UNC13C: variants seen among roughly 807,000 people sequenced by gnomAD.
The protein encoded by UNC13C is protein unc-13 homolog C.
A neutral mutation model predicts 245.4 loss-of-function variants in UNC13C; 174 were observed. The ratio of observed to expected loss-of-function variants is 0.71; its 90% CI spans 0.63 to 0.80. The LOEUF (loss-of-function observed/expected upper bound fraction) is 0.80, where lower values mean the gene tolerates loss of function less well. UNC13C is among the 30% of genes least tolerant of loss of function. UNC13C has a pLI of 0.00. For missense variants in UNC13C, 2,829 were observed against 2,602.9 expected, an observed-to-expected ratio of 1.09 and a Z score of -1.89; for synonymous variants, 992 against 895.1, an observed-to-expected ratio of 1.11 and a Z score of -1.93.
At chr15:54,175,408 C>T (rs1595949826) in intron 4 of UNC13C, among the ~76,000 whole-genome samples, 1 of 151,992 alleles carries the variant, frequency 6.6e-6, no homozygotes, top group South Asian at 2.1e-4. Flanking sequence ...AACTATAAAA[C>T]AGTAAACCAA....
At chr15:54,142,928 A>G (rs1438981176) in intron 2 of UNC13C, 90 bp from the exon 3 acceptor site, 7 of 1,125,508 alleles carry the variant, frequency 6.2e-6, no homozygotes, top group East Asian at 2.3e-5. Context: ...AATGTAACAT[A>G]TTAACACTCT....
At chr15:54,171,947 A>G (rs1034807519) in intron 4 of UNC13C, among the ~76,000 whole-genome samples, 3 of 152,126 alleles carry the variant, frequency 2.0e-5, no homozygotes, top group Admixed American at 6.5e-5. Context: ...AGATCCTGTC[A>G]TTTGCAGTTA....
chr15:54,620,231 G>C (rs1400155401), intron 30 of UNC13C, among the ~76,000 whole-genome samples: 3 of 152,098 alleles, frequency 2.0e-5, no homozygotes, highest in African/African-American at 7.2e-5. Context: ...CTCTGCCCCT[G>C]ACGTCAATAT....
intron 20 of UNC13C, among the ~76,000 whole-genome samples, chr15:54,495,705 G>A (rs149481467): frequency 5.0e-4 from 76 of 152,106 alleles, no homozygotes; most frequent in African/African-American, 1.8e-3. Flanking sequence ...GTAGTTTTGA[G>A]CTAGATTGTT....
At chr15:54,000,068 A>T (rs999283112) in intron 1 of UNC13C, among the ~76,000 whole-genome samples, 3 of 152,086 alleles carry the variant, frequency 2.0e-5, no homozygotes, top group Non-Finnish European at 2.9e-5. Flanking sequence ...GATGACTTCC[A>T]TATTTTCCTT....
At chr15:53,928,530 GGGCCAGTTTAT>G in the UNC13C span, among the ~76,000 whole-genome samples, 20 of 152,114 alleles carry the variant, frequency 1.3e-4, no homozygotes, top group Non-Finnish European at 2.8e-4. Flanking sequence ...GCCAGTTTTG[GGGCCAGTTTAT>G]GGCCAGATTT....
At chr15:54,059,836 T>C (rs1350595177) in intron 2 of UNC13C, among the ~76,000 whole-genome samples, 1 of 152,182 alleles carries the variant, frequency 6.6e-6, no homozygotes, top group African/African-American at 2.4e-5. Context: ...ATCTGATCTT[T>C]GACAAACCTG....
chr15:54,628,854 T>A (rs547157010), downstream of UNC13C: 1 of 152,272 alleles, frequency 6.6e-6, no homozygotes, highest in Admixed American at 6.5e-5. Context: ...TTACTTCAAT[T>A]ATTGTAGAAA....
chr15:54,036,016 A>G (rs1315375698), intron 2 of UNC13C, among the ~76,000 whole-genome samples: 2 of 152,180 alleles, frequency 1.3e-5, no homozygotes, highest in Non-Finnish European at 2.9e-5. Flanking sequence ...ATAAAGAATT[A>G]TTGTCATTCT....
chr15:53,945,114 T>A, the UNC13C span, among the ~76,000 whole-genome samples: 2 of 151,576 alleles, frequency 1.3e-5, no homozygotes, highest in African/African-American at 4.8e-5. Context: ...GGGTTATTAT[T>A]TTTCTTGTAC....
In UNC13C at chr15:54,403,824, C is replaced by CT. The variant is rs59244605; in HGVS notation, c.4847+10645dup. 3.8e-3 allele frequency among the ~76,000 whole-genome samples: 568 copies of CT among 151,046 alleles called. 27 individuals carry two copies. In the East Asian group the frequency reaches 0.083, roughly 22 times the overall value. On this transcript the variant is annotated intron_variant, in intron 18 of 32. Coordinates refer to ENST00000260323, the MANE Select transcript of UNC13C (RefSeq NM_001080534.3). ...ATATCTGAGTTCATTAAAATAATGC[C>CT]TTGAAACAGAAAGCAAAAAGATAAA...
chr15:54,024,233 G>A lies in UNC13C; in HGVS notation c.2983+8347G>A, dbSNP rs566517720. On this transcript the variant is annotated intron_variant, in intron 2 of 32. Transcript: ENST00000260323. ...AGATGATGGCTTCTAAAGCATTTAG[G>A]ACTCTAACTCTGGATATCACTTGGA... 3.3e-5 allele frequency among the ~76,000 whole-genome samples: 5 copies of A among 152,238 alleles called. No individual in the cohort carries two copies. The East Asian group carries it at 5.8e-4, about 18-fold the overall frequency.
At chr15:54,574,466 AG>A (rs991280785) in intron 30 of UNC13C, among the ~76,000 whole-genome samples, 128 of 152,348 alleles carry the variant, frequency 8.4e-4, no homozygotes, top group African/African-American at 3.0e-3. Flanking sequence ...TATTTCATGC[AG>A]GAGCAGACAG....
At chr15:54,034,718 C>T (rs1156684310) in intron 2 of UNC13C, among the ~76,000 whole-genome samples, 1 of 152,164 alleles carries the variant, frequency 6.6e-6, no homozygotes, top group Non-Finnish European at 1.5e-5. Flanking sequence ...ACACAATGTA[C>T]TTTGTGAACT....
intron 17 of UNC13C, among the ~76,000 whole-genome samples, chr15:54,345,361 C>T (rs1226724976): frequency 6.6e-6 from 1 of 152,186 alleles, no homozygotes. Context: ...CTGTGGTAGA[C>T]TCTCAGTGCT....
chr15:54,615,077 C>T (rs969419516), intron 30 of UNC13C, among the ~76,000 whole-genome samples: 1 of 151,856 alleles, frequency 6.6e-6, no homozygotes, highest in Non-Finnish European at 1.5e-5. Context: ...GTGTATGTGA[C>T]CTGGATTAAC....
At chr15:54,015,943 C>A in intron 2 of UNC13C, 57 bp downstream of exon 2, 1 of 1,375,268 alleles carries the variant, frequency 7.3e-7, no homozygotes, top group Non-Finnish European at 9.8e-7. Flanking sequence ...TTGGGTAGCA[C>A]TTCTTTAGAG....
At chr15:54,027,945 G>C (rs1364008637) in intron 2 of UNC13C, among the ~76,000 whole-genome samples, 1 of 152,148 alleles carries the variant, frequency 6.6e-6, no homozygotes, top group Non-Finnish European at 1.5e-5. Flanking sequence ...GCCATGCCTT[G>C]AGCACATGTC....
chr15:54,463,179 A>G (rs1891952182), intron 19 of UNC13C, among the ~76,000 whole-genome samples: 1 of 147,344 alleles, frequency 6.8e-6, no homozygotes, highest in Admixed American at 6.9e-5. Context: ...CACACCAGTC[A>G]GCACCCTGTC....
Sources: allele counts gnomAD v4.1 joint callset (sites outside exome capture counted in the v4.1 genomes callset), GRCh38; gene constraint gnomAD v4.1.1; transcripts MANE v1.5; gene names NCBI Gene and HGNC (gene_info 2026-07-23, HGNC 2026-07-21).